The following SLC10A6 variants were observed in gnomAD, a reference collection of about 807,000 sequenced individuals.
The protein encoded by SLC10A6 is sodium-dependent organic anion transporter.
Under a neutral mutation model 30.0 loss-of-function variants are expected in SLC10A6, and 27 were observed. The observed-to-expected ratio is 0.90, with a 90% CI of 0.66 to 1.24. The LOEUF (loss-of-function observed/expected upper bound fraction) is 1.24. Ranked by LOEUF, SLC10A6 falls within the 50% of genes most tolerant of loss-of-function variation. The pLI is 0.00. For synonymous variants in SLC10A6, 166 were observed against 173.8 expected (o/e 0.95, Z 0.36); for missense variants, 439 against 457.0 (o/e 0.96, Z 0.36).
chr4:86,833,354 A>C lies in SLC10A6; in HGVS notation c.448T>G (p.Trp150Gly). 1 of 1,614,132 alleles carries C rather than the reference A, an allele frequency of 6.2e-7. No individual in the cohort carries two copies. The change falls in exon 2 of 6, where the codon TGG becomes GGG. Residue 150 changes from tryptophan to glycine, a missense_variant. By Grantham distance (184) the Trp-to-Gly change is radical. Transcript: ENST00000273905. ...AGATTCTGCTGAAGACTCCAGGACC[A>C]GGTGTAGAGATAAATGCAGAGTGGC... ...MMPLCIYLYT[W>G]SWSLQQNLTI... is the part of the protein sequence containing the mutation.
At chr4:86,827,252 A>G (rs1168922946) in intron 4 of SLC10A6, among the ~76,000 whole-genome samples, 1 of 152,182 alleles carries the variant, frequency 6.6e-6, no homozygotes, top group African/African-American at 2.4e-5. Context: ...TAAATTTGGA[A>G]ACAAACCCAG....
intron 3 of SLC10A6, among the ~76,000 whole-genome samples, chr4:86,829,578 AC>A (rs1746047329): frequency 6.6e-6 from 1 of 151,760 alleles, no homozygotes; most frequent in Non-Finnish European, 1.5e-5. Context: ...TCTGAATGTA[AC>A]ATCCCCTCTT....
chr4:86,828,220 T>C, intron 3 of SLC10A6, 52 bp from the exon 4 acceptor site: 1 of 1,563,248 alleles, frequency 6.4e-7, no homozygotes. Flanking sequence ...TTTTGCTCTA[T>C]GATACAAAGT....
chr4:86,830,255 G>T (rs1746056476), intron 3 of SLC10A6, among the ~76,000 whole-genome samples: 2 of 152,108 alleles, frequency 1.3e-5, no homozygotes, highest in South Asian at 4.1e-4. Flanking sequence ...TTTATTAGCA[G>T]GGCAGGATGG....
chr4:86,847,567 A>C (rs900651542), intron 1 of SLC10A6, among the ~76,000 whole-genome samples: 3 of 151,774 alleles, frequency 2.0e-5, no homozygotes, highest in Non-Finnish European at 4.4e-5. Flanking sequence ...TTTTTTTTTC[A>C]AATCTCTCAT....
At chr4:86,843,409 G>A (rs1746342042) in intron 1 of SLC10A6, among the ~76,000 whole-genome samples, 1 of 152,148 alleles carries the variant, frequency 6.6e-6, no homozygotes. Flanking sequence ...TATGGGGACA[G>A]ACAAGAGAAA....
At position 86,831,816 on chromosome 4, in the gene SLC10A6, T is replaced by C; in HGVS notation, c.561A>G (p.Pro187=). 6.2e-7 allele frequency: 1 copy of C among 1,613,436 alleles called. No individual in the cohort carries two copies. The highest frequency in any genetic ancestry group is 1.6e-4 in the Middle Eastern group (1 of 6,062). ...AFGVYVNYRW[P]KQSKIILKIG... ...CCTTGAGAATGATTTTGGATTGTTTTGGCCATCTGTAATTCACATAGACAC... is the reference window on the plus strand; with the variant it reads ...CCTTGAGAATGATTTTGGATTGTTTCGGCCATCTGTAATTCACATAGACAC... Residue 187 remains proline (P), a synonymous_variant, in exon 3 of 6, where the codon CCA becomes CCG. Transcript: ENST00000273905.
intron 1 of SLC10A6, chr4:86,837,680 TG>T: frequency 1.1e-6 from 1 of 942,094 alleles, no homozygotes; most frequent in Non-Finnish European, 1.3e-6. Flanking sequence ...ATAGAACCAG[TG>T]AAAGAATGCA....
At chr4:86,830,935 A>C (rs2149411085) in intron 3 of SLC10A6, among the ~76,000 whole-genome samples, 1 of 152,320 alleles carries the variant, frequency 6.6e-6, no homozygotes. Context: ...TAGGAGACTC[A>C]CACCATTGTT....
intron 1 of SLC10A6, among the ~76,000 whole-genome samples, chr4:86,844,465 A>G (rs1258830652): frequency 6.6e-6 from 1 of 152,190 alleles, no homozygotes; most frequent in Non-Finnish European, 1.5e-5. Flanking sequence ...TCAGCCCATC[A>G]AGAGGCAAAA....
chr4:86,825,675 A>G (rs1745983110), intron 4 of SLC10A6, 98 bp from the exon 5 acceptor site: 2 of 1,256,808 alleles, frequency 1.6e-6, no homozygotes, highest in Non-Finnish European at 1.1e-6. Flanking sequence ...CTATGACCTC[A>G]GGCCACTGAA....
chr4:86,830,787 A>G (rs894961418), intron 3 of SLC10A6, among the ~76,000 whole-genome samples: 7 of 152,234 alleles, frequency 4.6e-5, no homozygotes, highest in Non-Finnish European at 8.8e-5. Flanking sequence ...ATGAAACTCT[A>G]AATAACCCCA....
At chr4:86,824,175 A>T (rs1336321970) in intron 5 of SLC10A6, among the ~76,000 whole-genome samples, 2 of 152,178 alleles carry the variant, frequency 1.3e-5, no homozygotes, top group Non-Finnish European at 2.9e-5. Context: ...TCATTCATTC[A>T]TTCATTCATT....
rs1746211313 is a variant in SLC10A6 at position 86,837,290 on chromosome 4, A to AAAAAGAAAGG, written c.378-3867_378-3866insCCTTTCTTTT. ...AAGAAAGAAAGAAAGAAAGAAAAAG[A>AAAAAGAAAGG]AAGGAAGGAAGGAAGGAAGGAAGGA... On this transcript the variant is annotated intron_variant, in intron 1 of 5. Transcript: ENST00000273905. Among the ~76,000 whole-genome samples the AAAAAGAAAGG allele has an allele frequency of 4.8e-4, 30 of 62,622 alleles. 1 individual carries two copies. Among genetic ancestry groups the AAAAAGAAAGG allele is most frequent in the South Asian group, 3.4e-3 (6 of 1,772 alleles). The allele number at this position is 62,622 out of a possible 152,430, so 41.1% of individuals were successfully genotyped here. A position where few individuals can be genotyped will look rare whatever the true frequency, so the allele number is the denominator to read the frequency against.
At chr4:86,841,058 C>T (rs1746281393) in intron 1 of SLC10A6, among the ~76,000 whole-genome samples, 1 of 152,222 alleles carries the variant, frequency 6.6e-6, no homozygotes, top group Non-Finnish European at 1.5e-5. Context: ...GATAGTGCTA[C>T]ATTCCTTGAC....
chr4:86,826,565 TAAATA>T (rs985655089), intron 4 of SLC10A6, among the ~76,000 whole-genome samples: 2 of 151,610 alleles, frequency 1.3e-5, no homozygotes, highest in African/African-American at 4.9e-5. Flanking sequence ...AATAAATAAA[TAAATA>T]AATAAATAAA....
chr4:86,824,580 T>A (rs539920812), intron 5 of SLC10A6, among the ~76,000 whole-genome samples: 32 of 151,958 alleles, frequency 2.1e-4, no homozygotes, highest in Admixed American at 1.0e-3. Flanking sequence ...ATATATATTT[T>A]TTTTTTTCTT....
At chr4:86,847,892 G>A (rs548955079) in intron 1 of SLC10A6, among the ~76,000 whole-genome samples, 3 of 152,226 alleles carry the variant, frequency 2.0e-5, no homozygotes, top group South Asian at 2.1e-4. Flanking sequence ...AAAGAGTCTC[G>A]AGAGACCATT....
chr4:86,844,290 T>TCCAGAGC (rs1490568693), intron 1 of SLC10A6, among the ~76,000 whole-genome samples: 1 of 152,238 alleles, frequency 6.6e-6, no homozygotes, highest in East Asian at 1.9e-4. Context: ...GCTTGCTGTT[T>TCCAGAGC]CCAGAGCCCT....
Sources: gnomAD v4.1 joint callset for allele counts (sites outside exome capture counted in the v4.1 genomes callset) on GRCh38, gnomAD v4.1.1 for gene constraint, MANE v1.5 for transcripts, NCBI Gene and HGNC (gene_info 2026-07-23, HGNC 2026-07-21) for gene names.